The following RBL1 variants were observed in gnomAD, a reference collection of about 807,000 sequenced individuals.
RBL1 encodes the protein retinoblastoma-like protein 1.
RBL1 carries 82 observed loss-of-function variants against 123.0 expected under a neutral mutation model. The ratio of observed to expected loss-of-function variants is 0.67; its 90% CI spans 0.56 to 0.80. The LOEUF (loss-of-function observed/expected upper bound fraction) is 0.80, where lower values mean the gene tolerates loss of function less well. Ranked by LOEUF, RBL1 falls within the 30% of genes least tolerant of loss-of-function variation. RBL1 has a pLI of 0.00. For missense variants in RBL1, 1,171 were observed against 1,299.6 expected, an observed-to-expected ratio of 0.90 and a Z score of 1.52; for synonymous variants, 405 against 441.3, an observed-to-expected ratio of 0.92 and a Z score of 1.03.
At chr20:37,006,838 C>CA (rs199689934) in intron 20 of RBL1, among the ~76,000 whole-genome samples, 19,131 of 71,250 alleles carry the variant, frequency 0.27, 1,890 homozygotes, top group East Asian at 0.55. Flanking sequence ...GAGACTGTCT[C>CA]AAAAAAAAAA....
At chr20:37,015,922 C>T (rs545816615) in intron 19 of RBL1, among the ~76,000 whole-genome samples, 3 of 151,554 alleles carry the variant, frequency 2.0e-5, no homozygotes, top group Non-Finnish European at 4.4e-5. Flanking sequence ...ACGGGTTTCA[C>T]CATCTTGGCC....
intron 19 of RBL1, among the ~76,000 whole-genome samples, chr20:37,016,109 C>T (rs1158493706): frequency 6.7e-6 from 1 of 148,976 alleles, no homozygotes; most frequent in Admixed American, 6.8e-5. Context: ...CTCACTGCAA[C>T]CTCTGCCTCC....
Position 37,003,824 on chromosome 20 carries a change from GTTGTTTAA to G in RBL1, c.2906_2913del (p.Ile969ThrfsTer41), listed in dbSNP as rs1434953358. 3 of 1,613,916 alleles carry G rather than the reference GTTGTTTAA, an allele frequency of 1.9e-6. No homozygotes were observed. Among genetic ancestry groups the G allele is most frequent in the Non-Finnish European group, 2.5e-6 (3 of 1,179,912 alleles). ...GAAATGCGGCGTGGTGAGCCTGGCTGTTGTTTAATATGTGGAAAAGGAGAGAGTGGTGG... is the reference window on the plus strand; with the variant it reads ...GAAATGCGGCGTGGTGAGCCTGGCTGTATGTGGAAAAGGAGAGAGTGGTGG... On this transcript the variant is annotated frameshift_variant, in exon 21 of 22. Transcript: ENST00000373664. LOFTEE classifies it high-confidence loss of function.
At chr20:37,059,314 A>G (rs1024429415) in intron 9 of RBL1, among the ~76,000 whole-genome samples, 3 of 152,202 alleles carry the variant, frequency 2.0e-5, no homozygotes, top group African/African-American at 7.2e-5. Context: ...GGGAGAGCTC[A>G]GCTATGTTCA....
intron 19 of RBL1, among the ~76,000 whole-genome samples, chr20:37,009,114 C>T (rs1215503024): frequency 6.6e-6 from 1 of 151,956 alleles, no homozygotes; most frequent in South Asian, 2.1e-4. Context: ...AGTCTCTGCC[C>T]GCTGGGATCC....
chr20:37,086,498 C>A (rs1224351393), intron 2 of RBL1, among the ~76,000 whole-genome samples: 1 of 151,808 alleles, frequency 6.6e-6, no homozygotes, highest in Non-Finnish European at 1.5e-5. Flanking sequence ...TGAGATCAGG[C>A]CATTGCACTC....
At position 37,089,256 on chromosome 20, in the gene RBL1, T is replaced by C. The variant is rs111690484; in HGVS notation, c.157-134A>G. The C allele has an allele frequency of 1.4e-3, 1,177 of 846,850 alleles. 11 individuals are homozygous for C. The African/African-American group carries it at 0.019, about 14-fold the overall frequency. The allele number at this position is 846,850 out of a possible 1,614,324, so 52.5% of individuals were successfully genotyped here. ...ATAAAGGGCCAGAGAAGTGAAGATA[T>C]TTGCCCAAGGTCACAAAGCTGTTAG... On this transcript the variant is annotated intron_variant, in intron 1 of 21. Coordinates refer to ENST00000373664, the MANE Select transcript of RBL1 (RefSeq NM_002895.5).
At chr20:37,066,320 T>C (rs1442651170) in intron 6 of RBL1, among the ~76,000 whole-genome samples, 1 of 152,246 alleles carries the variant, frequency 6.6e-6, no homozygotes, top group East Asian at 1.9e-4. Flanking sequence ...TTACATGGAA[T>C]TAAAACTGTG....
chr20:37,092,887 A>G (rs933362110), intron 1 of RBL1, among the ~76,000 whole-genome samples: 28 of 152,286 alleles, frequency 1.8e-4, no homozygotes, highest in African/African-American at 6.7e-4. Flanking sequence ...TAAAAATTCT[A>G]TGAATTCTAT....
intron 8 of RBL1, 70 bp downstream of exon 8, chr20:37,062,014 T>C: frequency 7.1e-7 from 1 of 1,400,254 alleles, no homozygotes; most frequent in Admixed American, 2.4e-5. Context: ...AAGATGCTTC[T>C]GCTGTTAGTA....
intron 19 of RBL1, among the ~76,000 whole-genome samples, chr20:37,008,528 T>G (rs2064108526): frequency 6.6e-6 from 1 of 152,214 alleles, no homozygotes; most frequent in African/African-American, 2.4e-5. Flanking sequence ...GGCAGAACTT[T>G]GTCCTACTAT....
At chr20:37,001,035 G>GC (rs2063968716) in intron 21 of RBL1, among the ~76,000 whole-genome samples, 1 of 138,306 alleles carries the variant, frequency 7.2e-6, no homozygotes, top group Admixed American at 7.1e-5. Context: ...GGGGGGGTCA[G>GC]CCCCCCACCC....
rs752852898 is a variant in RBL1 at position 37,071,859 on chromosome 20, C to A, written c.291-3673G>T. Among the ~76,000 whole-genome samples the A allele has an allele frequency of 3.3e-5, 5 of 152,276 alleles. No homozygotes were observed. In the South Asian group the frequency reaches 1.0e-3, roughly 32 times the overall value. ...CTCATCATGTGATGTGCCTCCTCCC[C>A]CTTCACCTACCGTGACTGTAAACTT... On this transcript the variant is annotated intron_variant, in intron 2 of 21. Transcript: ENST00000373664.
At chr20:37,009,683 A>G (rs6030717) in intron 19 of RBL1, among the ~76,000 whole-genome samples, 91,204 of 151,776 alleles carry the variant, frequency 0.6, 28,392 homozygotes, top group African/African-American at 0.78. Flanking sequence ...TGTCCTCCTT[A>G]GATTAGAAAT....
At chr20:37,023,783 T>A (rs1438821561) in intron 16 of RBL1, among the ~76,000 whole-genome samples, 1 of 148,648 alleles carries the variant, frequency 6.7e-6, no homozygotes, top group East Asian at 2.0e-4. Flanking sequence ...AACTATTTTT[T>A]TTTTTTTTTT....
In RBL1 at chr20:36,998,352, G is replaced by A. The variant is rs1038994853; in HGVS notation, c.*407C>T. ...AAGCAATTCTGCCTCAGCCTCCCAA[G>A]TAGCTGGGATTACAGGCATGCGCCA... On this transcript the variant is annotated 3_prime_UTR_variant, in exon 22 of 22. Transcript: ENST00000373664. 3 of 154,034 alleles carry A rather than the reference G, an allele frequency of 1.9e-5. No individual in the cohort carries two copies. Among genetic ancestry groups the A allele is most frequent in the Non-Finnish European group, 4.3e-5 (3 of 69,424 alleles). The allele number at this position is 154,034 out of a possible 1,614,324, so 9.5% of individuals were successfully genotyped here.
chr20:37,078,761 G>T (rs1415863123), intron 2 of RBL1, among the ~76,000 whole-genome samples: 1 of 152,126 alleles, frequency 6.6e-6, no homozygotes, highest in Non-Finnish European at 1.5e-5. Context: ...CTGAGGCTGG[G>T]GGTAAGGGTG....
intron 9 of RBL1, among the ~76,000 whole-genome samples, chr20:37,058,059 A>T (rs2065036329): frequency 6.7e-6 from 1 of 150,094 alleles, no homozygotes; most frequent in African/African-American, 2.4e-5. Context: ...TGGGAGGCGA[A>T]GGCTGCAGAT....
At chr20:37,065,501 C>A (rs372788188) in intron 6 of RBL1, 28 bp from the exon 7 acceptor site, 1 of 1,521,272 alleles carries the variant, frequency 6.6e-7, no homozygotes, top group Non-Finnish European at 9.0e-7. Flanking sequence ...TTTTGGGACA[C>A]CATATAATTA....
Sources: allele counts gnomAD v4.1 joint callset (sites outside exome capture counted in the v4.1 genomes callset), GRCh38; gene constraint gnomAD v4.1.1; transcripts MANE v1.5; gene names NCBI Gene and HGNC (gene_info 2026-07-23, HGNC 2026-07-21).